SRSF1: variants seen among roughly 807,000 people sequenced by gnomAD.
SRSF1 encodes serine/arginine-rich splicing factor 1.
SRSF1 carries 1 observed loss-of-function variant against 25.9 expected under a neutral mutation model. The observed-to-expected ratio is 0.04, with a 90% CI of 0.01 to 0.18. SRSF1 has a LOEUF of 0.18. SRSF1 is among the 10% of genes least tolerant of loss of function. The pLI, the probability that SRSF1 is intolerant of heterozygous loss-of-function variation, is 1.00. For synonymous variants in SRSF1, 132 were observed against 126.2 expected, an observed-to-expected ratio of 1.05 and a Z score of -0.31; for missense variants, 65 against 350.5, an observed-to-expected ratio of 0.19 and a Z score of 6.50.
the SRSF1 span, chr17:57,994,405 G>A: frequency 6.6e-6 from 1 of 152,132 alleles, no homozygotes; most frequent in Non-Finnish European, 1.5e-5. Context: ...AGAAAATTCA[G>A]GTAAACTTGA....
Position 58,005,870 on chromosome 17 carries a change from C to T in SRSF1, c.483G>A (p.Glu161=). Residue 161 remains glutamate, a synonymous_variant, in exon 3 of 4, where the codon GAG becomes GAA. Coordinates refer to ENST00000258962, the MANE Select transcript of SRSF1 (RefSeq NM_006924.5). The surrounding 1 kb of genome is among the most constrained non-coding windows in gnomAD (Gnocchi z 5.2). ...AGGTCATATCTTCTTTCCGTACAAA[C>T]TCCACGACACCAGTGCCATCTCGGT... The part of the protein sequence containing the change: ...DVYRDGTGVV[E]FVRKEDMTYA... 1 of 1,614,134 alleles carries T rather than the reference C, an allele frequency of 6.2e-7. No homozygotes were observed. Among genetic ancestry groups the T allele is most frequent in the Non-Finnish European group, 8.5e-7 (1 of 1,180,048 alleles).
downstream of SRSF1, among the ~76,000 whole-genome samples, chr17:57,996,503 A>AAAAAAAAAAAC (rs1555574723): frequency 6.6e-6 from 1 of 151,092 alleles, no homozygotes; most frequent in Admixed American, 6.6e-5. Context: ...AAAAAAAAAA[A>AAAAAAAAAAAC]CAGCCTTTGC....
downstream of SRSF1, among the ~76,000 whole-genome samples, chr17:57,996,250 C>T (rs993567937): frequency 4.0e-4 from 61 of 151,988 alleles, no homozygotes; most frequent in African/African-American, 1.3e-3. Context: ...TTTGGGAGGC[C>T]GAAGCGGGCA....
At chr17:57,995,185 T>C in the SRSF1 span, among the ~76,000 whole-genome samples, 2 of 152,374 alleles carry the variant, frequency 1.3e-5, no homozygotes, top group African/African-American at 4.8e-5. Flanking sequence ...TTACCACACA[T>C]TGGCTTTTAA....
downstream of SRSF1, among the ~76,000 whole-genome samples, chr17:58,000,427 T>C (rs564184753): frequency 1.3e-5 from 2 of 152,310 alleles, no homozygotes; most frequent in Middle Eastern, 3.4e-3. Flanking sequence ...GCTTTTCCTA[T>C]AGGATCTAAT....
Position 58,005,262 on chromosome 17 carries a change from G to C in SRSF1, c.*144C>G, listed in dbSNP as rs1301921832. 1 of 791,856 alleles carries C rather than the reference G, an allele frequency of 1.3e-6. No homozygotes were observed. 49.1% of individuals were successfully genotyped at this position (791,856 alleles called of 1,614,324 possible). On this transcript the variant is annotated 3_prime_UTR_variant, in exon 4 of 4. Transcript: ENST00000258962. This position sits in a 1 kb window ranked among gnomAD's most constrained non-coding sequence, Gnocchi z 5.2. The stretch of plus-strand genomic sequence containing the variant: ...AGACACGAAGGGAATGTAGATGTTA[G>C]GAGCAAGGGGATATTACAAGAATGC...
At chr17:57,999,029 A>T (rs1159487337), downstream of SRSF1, among the ~76,000 whole-genome samples, 1 of 152,288 alleles carries the variant, frequency 6.6e-6, no homozygotes, top group Admixed American at 6.5e-5. Context: ...ACAGATACTA[A>T]AAGTGTTAAA....
At chr17:57,999,861 T>C (rs896250417), downstream of SRSF1, among the ~76,000 whole-genome samples, 1 of 152,204 alleles carries the variant, frequency 6.6e-6, no homozygotes, top group Admixed American at 6.5e-5. Context: ...ACTATCTTCA[T>C]GTCCACAGTT....
downstream of SRSF1, among the ~76,000 whole-genome samples, chr17:57,999,712 T>G (rs887386105): frequency 6.6e-6 from 1 of 152,172 alleles, no homozygotes; most frequent in African/African-American, 2.4e-5. Flanking sequence ...CCCTAGCACT[T>G]ACCAATGGAG....
chr17:57,999,599 T>C (rs987827399), downstream of SRSF1, among the ~76,000 whole-genome samples: 11 of 152,180 alleles, frequency 7.2e-5, no homozygotes, highest in African/African-American at 2.4e-4. Flanking sequence ...ATACAGAGGA[T>C]CAAGGTAGTT....
rs1423323110 is a variant in SRSF1, at chr17:58,001,647, GA to G, written c.*3758del. ...TCTAAGGGGACATAAATAGGGAGAA[GA>G]GGGGGAAATTCCAAGACAGCTTTTG... On this transcript the variant is annotated 3_prime_UTR_variant, in exon 4 of 4. Coordinates refer to ENST00000258962, the MANE Select transcript of SRSF1 (RefSeq NM_006924.5). Among the ~76,000 whole-genome samples, 2 of 152,172 alleles carry G rather than the reference GA, an allele frequency of 1.3e-5. No homozygotes were observed. The highest frequency in any genetic ancestry group is 2.9e-5 in the Non-Finnish European group (2 of 68,022).
downstream of SRSF1, among the ~76,000 whole-genome samples, chr17:57,998,931 T>C (rs2075374579): frequency 6.6e-6 from 1 of 152,230 alleles, no homozygotes; most frequent in Non-Finnish European, 1.5e-5. Context: ...GTATTCTCAA[T>C]GACAATTTAT....
Position 58,001,239 on chromosome 17 carries a change from AAGAC to A in SRSF1, c.*4163_*4166del, listed in dbSNP as rs1347146470. Among the ~76,000 whole-genome samples the A allele has an allele frequency of 3.9e-5, 6 of 152,210 alleles. No homozygotes were observed. In the East Asian group the frequency reaches 1.2e-3, roughly 29 times the overall value. ...TGTGAAAACACCAGCCCTAATGACC[AAGAC>A]AATGTTTCAAAGACAACAAACACCA... is the stretch of plus-strand genomic sequence containing the variant. On this transcript the variant is annotated 3_prime_UTR_variant, in exon 4 of 4. Transcript: ENST00000258962.
chr17:57,999,920 C>CT (rs2075379684), downstream of SRSF1, among the ~76,000 whole-genome samples: 2 of 152,132 alleles, frequency 1.3e-5, no homozygotes, highest in African/African-American at 4.8e-5. Context: ...AAGTCTGATG[C>CT]TTTTTAACCC....
chr17:57,997,175 T>C (rs1454820978), downstream of SRSF1, among the ~76,000 whole-genome samples: 1 of 152,196 alleles, frequency 6.6e-6, no homozygotes, highest in Non-Finnish European at 1.5e-5. Flanking sequence ...ACCACTTACT[T>C]TGGTCTTACA....
rs2075410400 is a variant in SRSF1 at position 58,004,077 on chromosome 17, A to T, written c.*1329T>A. 1 of 152,674 alleles carries T rather than the reference A, an allele frequency of 6.5e-6. No homozygotes were observed. Among genetic ancestry groups the T allele is most frequent in the Non-Finnish European group, 1.5e-5 (1 of 68,044 alleles). 9.5% of individuals were successfully genotyped at this position (152,674 alleles called of 1,614,324 possible). ...AATCAAAAAAGGTTTCTGGGGAATG[A>T]TGAGTTATGTCTGTCATCAGTTTAA... On this transcript the variant is annotated 3_prime_UTR_variant, in exon 4 of 4. Coordinates refer to ENST00000258962, the MANE Select transcript of SRSF1 (RefSeq NM_006924.5).
chr17:58,005,495 T>TGCTTCTGCTACG lies in SRSF1; in HGVS notation c.646_657dup (p.Arg216_Ser219dup). The TGCTTCTGCTACG allele has an allele frequency of 3.1e-6, 5 of 1,614,220 alleles. No individual in the cohort carries two copies. Among genetic ancestry groups the TGCTTCTGCTACG allele is most frequent in the Non-Finnish European group, 4.2e-6 (5 of 1,180,042 alleles). ...GGGGAGTAACTGCGACTCCTGCTGT[T>TGCTTCTGCTACG]GCTTCTGCTACGGCTTCTGCTACGA... On this transcript the variant is annotated inframe_insertion, in exon 4 of 4. Coordinates refer to ENST00000258962, the MANE Select transcript of SRSF1 (RefSeq NM_006924.5). The surrounding 1 kb of genome is among the most constrained non-coding windows in gnomAD (Gnocchi z 5.2).
chr17:57,990,409 C>G, the SRSF1 span: 1 of 152,084 alleles, frequency 6.6e-6, no homozygotes, highest in South Asian at 2.1e-4. Flanking sequence ...AAAAAATTAA[C>G]CTTTTAAGTT....
downstream of SRSF1, among the ~76,000 whole-genome samples, chr17:57,998,557 T>G (rs900577711): frequency 6.6e-6 from 1 of 152,140 alleles, no homozygotes; most frequent in Non-Finnish European, 1.5e-5. Flanking sequence ...GGCTTCAGAG[T>G]GCATCTTCAA....
Sources: allele counts gnomAD v4.1 joint callset (sites outside exome capture counted in the v4.1 genomes callset), GRCh38; gene constraint gnomAD v4.1.1; non-coding constraint Gnocchi (gnomAD v3.1); transcripts MANE v1.5; gene names NCBI Gene and HGNC (gene_info 2026-07-23, HGNC 2026-07-21).